SLC44A3: variants seen among roughly 807,000 people sequenced by gnomAD.
SLC44A3 encodes the protein choline transporter-like protein 3.
Under a neutral mutation model 75.4 loss-of-function variants are expected in SLC44A3, and 74 were observed. That is an observed-to-expected ratio of 0.98 (90% CI 0.81 to 1.19). The LOEUF is 1.19. Ranked by LOEUF, SLC44A3 falls within the 50% of genes most tolerant of loss-of-function variation. The pLI is 0.00. For synonymous variants in SLC44A3, 310 were observed against 296.9 expected (o/e 1.04, Z -0.45); for missense variants, 700 against 778.6 (o/e 0.90, Z 1.20).
intron 5 of SLC44A3, among the ~76,000 whole-genome samples, chr1:94,835,232 T>G (rs2101007259): frequency 6.6e-6 from 1 of 152,314 alleles, no homozygotes. Context: ...GGAGGATGGC[T>G]TGAGCTCAGG....
At chr1:94,821,465 C>T (rs928162771) in intron 2 of SLC44A3, among the ~76,000 whole-genome samples, 3 of 152,162 alleles carry the variant, frequency 2.0e-5, no homozygotes, top group African/African-American at 7.2e-5. Context: ...AACTGCATTT[C>T]CTTTAGCTGA....
chr1:94,889,787 T>C (rs1218119930), intron 12 of SLC44A3, among the ~76,000 whole-genome samples: 1 of 151,858 alleles, frequency 6.6e-6, no homozygotes, highest in Non-Finnish European at 1.5e-5. Context: ...ATGCTTATTA[T>C]ACAAAGAAAA....
chr1:94,867,802 G>C (rs1667337536), intron 12 of SLC44A3, among the ~76,000 whole-genome samples: 1 of 152,102 alleles, frequency 6.6e-6, no homozygotes, highest in Admixed American at 6.6e-5. Context: ...GCTAGCTCCT[G>C]AGCTGTAGTT....
rs1486932072 is a variant in SLC44A3 at position 94,835,679 on chromosome 1, A to C, written c.510-2032A>C. ...ACTTTTCTCCCACCTCTTTTTTGGC[A>C]TGCCCTGAATGGTGGAGTCTGGCGT... On this transcript the variant is annotated intron_variant, in intron 5 of 14. Coordinates refer to ENST00000271227, the MANE Select transcript of SLC44A3 (RefSeq NM_001114106.3). Among the ~76,000 whole-genome samples the C allele has an allele frequency of 2.6e-5, 4 of 152,146 alleles. No individual in the cohort carries two copies. The East Asian group carries it at 7.7e-4, about 29-fold the overall frequency.
chr1:94,831,386 T>C (rs1422662835), intron 5 of SLC44A3, among the ~76,000 whole-genome samples: 1 of 152,218 alleles, frequency 6.6e-6, no homozygotes, highest in Non-Finnish European at 1.5e-5. Flanking sequence ...ACTGAAAAGC[T>C]GGAAAACATG....
At chr1:94,854,024 A>C (rs1665546144) in intron 9 of SLC44A3, among the ~76,000 whole-genome samples, 1 of 152,168 alleles carries the variant, frequency 6.6e-6, no homozygotes, top group African/African-American at 2.4e-5. Context: ...CACTCACTGT[A>C]GCTGACCCTA....
chr1:94,872,437 AT>A (rs1667861241), intron 12 of SLC44A3, among the ~76,000 whole-genome samples: 1 of 151,434 alleles, frequency 6.6e-6, no homozygotes, highest in South Asian at 2.1e-4. Context: ...CACTTTAAGC[AT>A]TGCATTCCTC....
At position 94,895,143 on chromosome 1, in the gene SLC44A3, T is replaced by C; in HGVS notation, c.*221T>C. 1 of 443,198 alleles carries C rather than the reference T, an allele frequency of 2.3e-6. No homozygotes were observed. Among genetic ancestry groups the C allele is most frequent in the Non-Finnish European group, 4.1e-6 (1 of 243,860 alleles). 27.5% of individuals were successfully genotyped at this position (443,198 alleles called of 1,614,324 possible). A position where few individuals can be genotyped will look rare whatever the true frequency, so the allele number is the denominator to read the frequency against. On this transcript the variant is annotated 3_prime_UTR_variant, in exon 15 of 15. Coordinates refer to ENST00000271227, the MANE Select transcript of SLC44A3 (RefSeq NM_001114106.3). Reference sequence around the variant, plus strand: ...GTACAAATTAGGACAGAAAAACTCTTCTAAAACCATGTTTATATGCATCAA... The same window carrying C: ...GTACAAATTAGGACAGAAAAACTCTCCTAAAACCATGTTTATATGCATCAA...
chr1:94,892,203 A>T, intron 13 of SLC44A3, 78 bp from the exon 14 acceptor site: 1 of 1,318,712 alleles, frequency 7.6e-7, no homozygotes, highest in Non-Finnish European at 1.1e-6. Flanking sequence ...AACGTATATT[A>T]AACCATTACT....
chr1:94,893,720 A>G (rs1670469546), intron 14 of SLC44A3, among the ~76,000 whole-genome samples: 2 of 152,104 alleles, frequency 1.3e-5, no homozygotes, highest in Non-Finnish European at 2.9e-5. Context: ...ACTTATTTGT[A>G]TGTACTCTAA....
At chr1:94,844,297 A>T (rs1664097344) in intron 8 of SLC44A3, among the ~76,000 whole-genome samples, 1 of 152,232 alleles carries the variant, frequency 6.6e-6, no homozygotes, top group Non-Finnish European at 1.5e-5. Context: ...TTGATTCAGG[A>T]TAAATTGAGT....
chr1:94,874,723 C>A (rs1201132898), intron 12 of SLC44A3, among the ~76,000 whole-genome samples: 4 of 152,152 alleles, frequency 2.6e-5, no homozygotes, highest in African/African-American at 9.7e-5. Context: ...TTATGTGTAT[C>A]AACTACCTAT....
chr1:94,821,096 T>C (rs1660511868), intron 2 of SLC44A3, 40 bp downstream of exon 2: 1 of 1,487,542 alleles, frequency 6.7e-7, no homozygotes, highest in African/African-American at 1.4e-5. Context: ...CCAGAGTGTG[T>C]GTGCACGTCT....
At chr1:94,865,936 C>T (rs1667119949) in intron 11 of SLC44A3, among the ~76,000 whole-genome samples, 1 of 152,192 alleles carries the variant, frequency 6.6e-6, no homozygotes, top group Non-Finnish European at 1.5e-5. Context: ...GATTGGATAA[C>T]ACATAAAATT....
chr1:94,838,316 A>C (rs1663096534), intron 6 of SLC44A3, among the ~76,000 whole-genome samples: 1 of 152,232 alleles, frequency 6.6e-6, no homozygotes, highest in Non-Finnish European at 1.5e-5. Context: ...ATGGAGTCAG[A>C]CTGCAAGGGC....
At chr1:94,822,374 C>T (rs893032984) in intron 2 of SLC44A3, among the ~76,000 whole-genome samples, 3 of 152,246 alleles carry the variant, frequency 2.0e-5, no homozygotes, top group Admixed American at 6.5e-5. Context: ...TCCAAGTTCT[C>T]ACTATGGCAT....
At chr1:94,840,516 C>T (rs1242017812) in intron 7 of SLC44A3, among the ~76,000 whole-genome samples, 1 of 152,034 alleles carries the variant, frequency 6.6e-6, no homozygotes, top group East Asian at 1.9e-4. Flanking sequence ...TCTCCAACTC[C>T]TGAGCTCAAG....
At chr1:94,887,529 G>A (rs1411844088) in intron 12 of SLC44A3, among the ~76,000 whole-genome samples, 2 of 152,188 alleles carry the variant, frequency 1.3e-5, no homozygotes, top group African/African-American at 2.4e-5. Context: ...ACTCTTTGGA[G>A]TCAACACATG....
chr1:94,877,622 AAG>A (rs2101580063), intron 12 of SLC44A3, among the ~76,000 whole-genome samples: 1 of 152,284 alleles, frequency 6.6e-6, no homozygotes, highest in East Asian at 1.9e-4. Flanking sequence ...TGAAAAGTAG[AAG>A]AGGAAGCGGC....
Sources: gnomAD v4.1 joint callset for allele counts (sites outside exome capture counted in the v4.1 genomes callset) on GRCh38, gnomAD v4.1.1 for gene constraint, MANE v1.5 for transcripts, NCBI Gene and HGNC (gene_info 2026-07-23, HGNC 2026-07-21) for gene names.